The following ODAD2 variants were observed in gnomAD, a reference collection of about 807,000 sequenced individuals.
ODAD2 encodes outer dynein arm-docking complex subunit 2.
A neutral mutation model predicts 106.8 loss-of-function variants in ODAD2; 89 were observed. The ratio of observed to expected loss-of-function variants is 0.83; its 90% CI spans 0.70 to 0.99. ODAD2 has a LOEUF of 0.99. Among genes scored for constraint, ODAD2 ranks in the 50% least tolerant of loss-of-function variants. ODAD2 has a pLI of 0.00. For missense variants in ODAD2, 1,168 were observed against 1,238.5 expected (o/e 0.94, Z 0.85); for synonymous variants, 404 against 436.2 (o/e 0.93, Z 0.92).
intron 14 of ODAD2, among the ~76,000 whole-genome samples, chr10:27,939,067 C>T (rs1371942170): frequency 6.6e-6 from 1 of 152,080 alleles, no homozygotes; most frequent in South Asian, 2.1e-4. Context: ...TTCTGGTATA[C>T]TATGAAATGT....
intron 19 of ODAD2, among the ~76,000 whole-genome samples, chr10:27,843,666 G>T (rs1838482031): frequency 6.6e-6 from 1 of 152,142 alleles, no homozygotes; most frequent in South Asian, 2.1e-4. Context: ...TACTTGGGAG[G>T]CTGAGGCAGA....
intron 15 of ODAD2, among the ~76,000 whole-genome samples, chr10:27,935,967 T>C (rs945455311): frequency 1.2e-4 from 18 of 152,126 alleles, no homozygotes; most frequent in Admixed American, 1.2e-3. Flanking sequence ...TCCTAATAAA[T>C]TTCAGCTGTA....
intron 17 of ODAD2, among the ~76,000 whole-genome samples, chr10:27,901,590 T>C (rs1843207723): frequency 6.6e-6 from 1 of 152,058 alleles, no homozygotes; most frequent in South Asian, 2.1e-4. Flanking sequence ...AAGACAGACA[T>C]AGGCTCAAAA....
At chr10:27,927,028 C>T (rs1212727677) in intron 16 of ODAD2, among the ~76,000 whole-genome samples, 1 of 151,850 alleles carries the variant, frequency 6.6e-6, no homozygotes, top group Non-Finnish European at 1.5e-5. Context: ...GGTGGTGGGG[C>T]ATAAGGCATA....
rs74615946 is a variant in ODAD2 at position 27,861,453 on chromosome 10, C to T, written c.2800-607G>A. Among the ~76,000 whole-genome samples the T allele has an allele frequency of 5.5e-3, 845 of 152,260 alleles. 6 individuals are homozygous for T. The highest frequency in any genetic ancestry group is 0.021 in the East Asian group (111 of 5,178). The stretch of plus-strand genomic sequence containing the variant: ...TCTTTAGAGTGAGTCTACTACACAA[C>T]GCAAAATTACAGATCAGCAAGTTAT... On this transcript the variant is annotated intron_variant, in intron 18 of 19. Transcript: ENST00000305242.
chr10:27,927,740 T>TC (rs1845349899), intron 16 of ODAD2, among the ~76,000 whole-genome samples: 1 of 152,090 alleles, frequency 6.6e-6, no homozygotes, highest in South Asian at 2.1e-4. Context: ...CTCTTCTAGT[T>TC]CCCCGCTCAA....
chr10:27,979,336 A>G (rs1010884817), intron 7 of ODAD2, among the ~76,000 whole-genome samples: 51 of 152,060 alleles, frequency 3.4e-4, no homozygotes, highest in African/African-American at 1.2e-3. Flanking sequence ...TTAGTCAAGA[A>G]AAAGAAATTG....
chr10:27,838,120 T>C (rs550076650), intron 19 of ODAD2, among the ~76,000 whole-genome samples: 3 of 152,206 alleles, frequency 2.0e-5, no homozygotes, highest in Non-Finnish European at 4.4e-5. Flanking sequence ...TTTGGCACAT[T>C]AAAAACTCCA....
At chr10:27,933,340 G>A (rs982016679) in intron 16 of ODAD2, among the ~76,000 whole-genome samples, 1 of 152,160 alleles carries the variant, frequency 6.6e-6, no homozygotes, top group Admixed American at 6.6e-5. Flanking sequence ...GTTAAATGGG[G>A]CCATAAGACA....
chr10:27,920,415 T>A (rs1187403938), intron 16 of ODAD2, among the ~76,000 whole-genome samples: 1 of 152,182 alleles, frequency 6.6e-6, no homozygotes, highest in Non-Finnish European at 1.5e-5. Flanking sequence ...TTCTTTCATC[T>A]ATTAATATGC....
chr10:27,866,558 A>T (rs551441876), intron 17 of ODAD2, among the ~76,000 whole-genome samples: 84 of 152,296 alleles, frequency 5.5e-4, no homozygotes, highest in African/African-American at 1.8e-3. Context: ...TATAAAGAAG[A>T]TAAGTTTATT....
At chr10:27,895,949 A>G (rs1230834806) in intron 17 of ODAD2, among the ~76,000 whole-genome samples, 2 of 152,190 alleles carry the variant, frequency 1.3e-5, no homozygotes, top group Non-Finnish European at 2.9e-5. Context: ...TGACCCTGAA[A>G]AATAGGACCT....
intron 19 of ODAD2, among the ~76,000 whole-genome samples, chr10:27,860,350 G>A (rs1839951182): frequency 6.6e-6 from 1 of 152,120 alleles, no homozygotes; most frequent in Non-Finnish European, 1.5e-5. Flanking sequence ...CTACTTGGGA[G>A]GGTGAGGCAG....
chr10:27,911,117 A>G (rs1254238562), intron 16 of ODAD2, among the ~76,000 whole-genome samples: 1 of 152,128 alleles, frequency 6.6e-6, no homozygotes, highest in East Asian at 1.9e-4. Flanking sequence ...ACTTAGGAAC[A>G]CTGGGCGGCA....
rs769611765 is a variant in ODAD2, at chr10:27,994,913, G to C, written c.224+6C>G. 3 of 1,613,676 alleles carry C rather than the reference G, an allele frequency of 1.9e-6. No individual in the cohort carries two copies. In the Admixed American group the frequency reaches 5.0e-5, roughly 27 times the overall value. On this transcript the variant is annotated splice_donor_region_variant and intron_variant, in intron 2 of 19. Coordinates refer to ENST00000305242, the MANE Select transcript of ODAD2 (RefSeq NM_018076.5). ...ATCAAATCCTAGAAGCAAGTAACTGGCTTACCTGACAACATAACCTGATTC... is the reference window on the plus strand; with the variant it reads ...ATCAAATCCTAGAAGCAAGTAACTGCCTTACCTGACAACATAACCTGATTC...
intron 17 of ODAD2, among the ~76,000 whole-genome samples, chr10:27,901,986 A>G (rs1843240363): frequency 6.6e-6 from 1 of 152,224 alleles, no homozygotes; most frequent in African/African-American, 2.4e-5. Context: ...TCTCCACCCC[A>G]GATCAACAGA....
intron 17 of ODAD2, among the ~76,000 whole-genome samples, chr10:27,890,120 G>A (rs560567838): frequency 6.6e-6 from 1 of 152,164 alleles, no homozygotes; most frequent in African/African-American, 2.4e-5. Context: ...TGCAATGAGG[G>A]AACCGAAGAT....
chr10:27,885,768 AT>A lies in ODAD2; in HGVS notation c.2610+21894del, dbSNP rs1437841746. 6.6e-5 allele frequency among the ~76,000 whole-genome samples: 3 copies of A among 45,532 alleles called. 1 individual carries two copies. The highest frequency in any genetic ancestry group is 2.2e-4 in the African/African-American group (3 of 13,482). 29.9% of individuals were successfully genotyped at this position (45,532 alleles called of 152,430 possible). A position where few individuals can be genotyped will look rare whatever the true frequency, so the allele number is the denominator to read the frequency against. ...TATATATAATATATATTTTATATAT[AT>A]TATATAAAATATATATTATATATAA... On this transcript the variant is annotated intron_variant, in intron 17 of 19. Coordinates refer to ENST00000305242, the MANE Select transcript of ODAD2 (RefSeq NM_018076.5).
chr10:27,862,286 CT>C, intron 18 of ODAD2, 147 bp downstream of exon 18: 1 of 489,624 alleles, frequency 2.0e-6, no homozygotes. Flanking sequence ...CTCAGAGAAA[CT>C]AAATGAGTTG....
Sources: gnomAD v4.1 joint callset for allele counts (sites outside exome capture counted in the v4.1 genomes callset) on GRCh38, gnomAD v4.1.1 for gene constraint, MANE v1.5 for transcripts, NCBI Gene and HGNC (gene_info 2026-07-23, HGNC 2026-07-21) for gene names.